DCDC2C: variants seen among roughly 807,000 people sequenced by gnomAD.
DCDC2C encodes doublecortin domain-containing protein 2C.
Under a neutral mutation model 45.0 loss-of-function variants are expected in DCDC2C, and 44 were observed. The ratio of observed to expected loss-of-function variants is 0.98; its 90% confidence interval spans 0.77 to 1.26. The LOEUF (loss-of-function observed/expected upper bound fraction) is 1.26. Among genes scored for constraint, DCDC2C ranks in the 50% most tolerant of loss-of-function variants. The pLI is 0.00. For missense variants in DCDC2C, 447 were observed against 468.9 expected (o/e 0.95, Z 0.43); for synonymous variants, 187 against 178.8 (o/e 1.05, Z -0.37).
rs1669890233 is a variant in DCDC2C at position 3,761,943 on chromosome 2, A to G, written c.727-5811A>G. 6.6e-6 allele frequency among the ~76,000 whole-genome samples: 1 copy of G among 152,244 alleles called. No individual in the cohort carries two copies. Among genetic ancestry groups the G allele is most frequent in the Non-Finnish European group, 1.5e-5 (1 of 68,038 alleles). On this transcript the variant is annotated intron_variant, in intron 6 of 10. Coordinates refer to ENST00000399143, the MANE Select transcript of DCDC2C (RefSeq NM_001287444.2). This position sits in a 1 kb window ranked among gnomAD's most constrained non-coding sequence, Gnocchi z 4.3. The stretch of plus-strand genomic sequence containing the variant: ...AAAGCACTGCAGAGAAATAAAACCA[A>G]CATACGTGAGGTTCATTTTCTGAAA...
At chr2:3,842,668 C>A (rs1672244828) in intron 10 of DCDC2C, among the ~76,000 whole-genome samples, 1 of 147,814 alleles carries the variant, frequency 6.8e-6, no homozygotes, top group East Asian at 2.1e-4. Context: ...AATTCCAAAT[C>A]TCAGTGGCTT....
At chr2:3,755,219 T>C (rs555655675) in intron 6 of DCDC2C, among the ~76,000 whole-genome samples, 2 of 148,984 alleles carry the variant, frequency 1.3e-5, no homozygotes, top group South Asian at 4.3e-4. Flanking sequence ...GTGCATATGA[T>C]GTGTGCATGA....
intron 4 of DCDC2C, 45 bp downstream of exon 4, chr2:3,742,093 G>T: frequency 6.8e-7 from 1 of 1,477,800 alleles, no homozygotes; most frequent in South Asian, 1.4e-5. Context: ...GCGGCAGCTT[G>T]TGTTTATTCT....
chr2:3,727,168 C>A, intron 3 of DCDC2C, 89 bp downstream of exon 3: 3 of 1,034,532 alleles, frequency 2.9e-6, no homozygotes, highest in Non-Finnish European at 1.4e-6. Flanking sequence ...CCCCTCAGCC[C>A]CCTTTCTGTC....
At chr2:3,794,756 A>G (rs1440885837) in intron 10 of DCDC2C, among the ~76,000 whole-genome samples, 1 of 152,230 alleles carries the variant, frequency 6.6e-6, no homozygotes, top group Non-Finnish European at 1.5e-5. Context: ...TTCTTAATCC[A>G]GTCTATCACT....
intron 10 of DCDC2C, chr2:3,844,202 T>C (rs897067): frequency 0.9 from 137,879 of 152,448 alleles, 62,384 homozygotes; most frequent in African/African-American, 0.95. Flanking sequence ...ACAAGAAGAA[T>C]AAACACCTGA....
chr2:3,814,857 G>T (rs1377625711), intron 10 of DCDC2C, among the ~76,000 whole-genome samples: 2 of 152,276 alleles, frequency 1.3e-5, no homozygotes, highest in Non-Finnish European at 2.9e-5. Flanking sequence ...GGCTGTAGGG[G>T]ACAAGTCTTG....
chr2:3,767,137 A>G (rs4849989), intron 6 of DCDC2C, among the ~76,000 whole-genome samples: 49,979 of 152,162 alleles, frequency 0.33, 8,628 homozygotes, highest in South Asian at 0.57. Flanking sequence ...AGATACTTTC[A>G]CCTTCGGACA....
intron 2 of DCDC2C, among the ~76,000 whole-genome samples, chr2:3,719,529 G>A (rs534881160): frequency 3.3e-4 from 50 of 152,150 alleles, no homozygotes; most frequent in Non-Finnish European, 6.3e-4. Context: ...AAGGGTCACC[G>A]TGAAGATTAG....
chr2:3,834,981 A>G lies in DCDC2C; in HGVS notation c.1066-12173A>G, dbSNP rs537449686. ...GTTTTCTAAATTTGAACTAAGAGAG[A>G]CTCAGAGAGGTAAATTACTTTCCCA... On this transcript the variant is annotated intron_variant, in intron 10 of 10. Coordinates refer to ENST00000399143, the MANE Select transcript of DCDC2C (RefSeq NM_001287444.2). 4.6e-5 allele frequency among the ~76,000 whole-genome samples: 7 copies of G among 152,268 alleles called. No individual in the cohort carries two copies. The South Asian group carries it at 1.2e-3, about 27-fold the overall frequency.
intron 2 of DCDC2C, among the ~76,000 whole-genome samples, chr2:3,717,194 T>C (rs12612302): frequency 0.5 from 75,695 of 151,822 alleles, 19,207 homozygotes; most frequent in African/African-American, 0.58. Context: ...CTCTCCATTA[T>C]TTCCATAATC....
chr2:3,846,205 G>A (rs181007495), intron 10 of DCDC2C, among the ~76,000 whole-genome samples: 7 of 136,424 alleles, frequency 5.1e-5, no homozygotes, highest in South Asian at 2.4e-4. Flanking sequence ...CCCCACCCCC[G>A]TCCTCCTGTT....
chr2:3,776,906 G>C (rs1670356942), intron 8 of DCDC2C, among the ~76,000 whole-genome samples: 2 of 152,196 alleles, frequency 1.3e-5, no homozygotes, highest in Non-Finnish European at 2.9e-5. Context: ...AAACTGAAGA[G>C]GTATTCCTGA....
chr2:3,805,303 T>G (rs559488001), intron 10 of DCDC2C, among the ~76,000 whole-genome samples: 35 of 152,290 alleles, frequency 2.3e-4, no homozygotes, highest in African/African-American at 7.9e-4. Flanking sequence ...ACCTGCCAGG[T>G]TGATGAGTCC....
chr2:3,786,823 G>A (rs1041255672), intron 10 of DCDC2C, among the ~76,000 whole-genome samples: 4 of 152,190 alleles, frequency 2.6e-5, no homozygotes, highest in African/African-American at 9.7e-5. Context: ...TAAGTAACTC[G>A]ATTGAATCAA....
chr2:3,782,281 A>G (rs754505363), intron 9 of DCDC2C, among the ~76,000 whole-genome samples: 4 of 152,200 alleles, frequency 2.6e-5, no homozygotes, highest in Admixed American at 6.5e-5. Flanking sequence ...GTATGTCAAT[A>G]GCATAGAAGT....
intron 10 of DCDC2C, among the ~76,000 whole-genome samples, chr2:3,787,546 A>C (rs1251146830): frequency 2.0e-5 from 3 of 152,276 alleles, no homozygotes; most frequent in African/African-American, 7.2e-5. Context: ...AGCATCGGGC[A>C]TGCACAATGC....
chr2:3,742,175 T>C, intron 4 of DCDC2C, 127 bp downstream of exon 4: 1 of 1,125,164 alleles, frequency 8.9e-7, no homozygotes, highest in Non-Finnish European at 1.2e-6. Flanking sequence ...TTTTAATTCT[T>C]CAAGCAGATA....
At chr2:3,793,753 A>G (rs183274369) in intron 10 of DCDC2C, among the ~76,000 whole-genome samples, 3 of 152,268 alleles carry the variant, frequency 2.0e-5, no homozygotes, top group African/African-American at 7.2e-5. Flanking sequence ...CAGATGCAGC[A>G]AGGTGTAGAC....
Sources: gnomAD v4.1 joint callset for allele counts (sites outside exome capture counted in the v4.1 genomes callset) on GRCh38, gnomAD v4.1.1 for gene constraint, Gnocchi (gnomAD v3.1) non-coding constraint, MANE v1.5 for transcripts, NCBI Gene and HGNC (gene_info 2026-07-23, HGNC 2026-07-21) for gene names.